Variants in CD163L1 observed in about 807,000 individuals in gnomAD.
The protein encoded by CD163L1 is scavenger receptor cysteine-rich type 1 protein M160.
Under a neutral mutation model 165.4 loss-of-function variants are expected in CD163L1, and 124 were observed. The observed-to-expected ratio is 0.75, with a 90% CI of 0.65 to 0.87. The LOEUF (loss-of-function observed/expected upper bound fraction) is 0.87, where lower values mean the gene tolerates loss of function less well. Ranked by LOEUF, CD163L1 falls within the 40% of genes least tolerant of loss-of-function variation. The pLI is 0.00. For missense variants in CD163L1, 1,525 were observed against 1,799.9 expected, an observed-to-expected ratio of 0.85 and a Z score of 2.76; for synonymous variants, 585 against 662.2, an observed-to-expected ratio of 0.88 and a Z score of 1.79.
chr12:7,389,844 G>A (rs1170719509), intron 8 of CD163L1, among the ~76,000 whole-genome samples: 1 of 150,538 alleles, frequency 6.6e-6, no homozygotes, highest in Admixed American at 6.6e-5. Context: ...AAAAAACAAA[G>A]GAATAAATGT....
chr12:7,369,280 C>A lies in CD163L1; in HGVS notation c.4039+77G>T, dbSNP rs138584383. ...AAATCCTAGTATCTTCAGCTCAACT[C>A]TCTGAGTGAGCCTGTTTCCCAGTGT... On this transcript the variant is annotated intron_variant, in intron 15 of 19. Coordinates refer to ENST00000313599, the MANE Select transcript of CD163L1 (RefSeq NM_174941.6). The surrounding 1 kb of genome is among the most constrained non-coding windows in gnomAD (Gnocchi z 4.9). 912 of 1,450,372 alleles carry A rather than the reference C, an allele frequency of 6.3e-4. 2 individuals carry two copies. In the African/African-American group the frequency reaches 0.011, roughly 18 times the overall value. 89.8% of individuals were successfully genotyped at this position (1,450,372 alleles called of 1,614,324 possible). A position where few individuals can be genotyped will look rare whatever the true frequency, so the allele number is the denominator to read the frequency against.
chr12:7,395,416 G>A (rs1158593857), intron 8 of CD163L1, among the ~76,000 whole-genome samples: 4 of 152,064 alleles, frequency 2.6e-5, no homozygotes, highest in African/African-American at 7.2e-5. Context: ...GACACAGGGC[G>A]GGGAACATCA....
At chr12:7,349,157 T>C (rs1946691442) in intron 4 of CD163L1, among the ~76,000 whole-genome samples, 1 of 152,208 alleles carries the variant, frequency 6.6e-6, no homozygotes, top group African/African-American at 2.4e-5. Flanking sequence ...AATCCAGAAA[T>C]GGCAGGTAGA....
intron 2 of CD163L1, among the ~76,000 whole-genome samples, chr12:7,437,002 A>C (rs1948723357): frequency 6.6e-6 from 1 of 150,832 alleles, no homozygotes; most frequent in Non-Finnish European, 1.5e-5. Context: ...ATAGGTAATA[A>C]CCAATATATA....
chr12:7,373,418 T>C lies in CD163L1; in HGVS notation c.3632A>G (p.Gln1211Arg). The C allele has an allele frequency of 2.5e-6, 4 of 1,614,186 alleles. No homozygotes were observed. The highest frequency in any genetic ancestry group is 3.4e-6 in the Non-Finnish European group (4 of 1,180,024). The part of the protein sequence containing the change: ...GSGFMWVDDI[Q>R]CPKTHISIWQ... ...TATGGAGATATGCGTTTTAGGACAC[T>C]GAATGTCATCCACCCACATGAAACC... The change falls in exon 14 of 20, where the codon CAG becomes CGG. Residue 1211 changes from glutamine (Q) to arginine (R), a missense_variant. By Grantham distance (43) the Gln-to-Arg change is conservative. Transcript: ENST00000313599.
chr12:7,388,675 T>A (rs1947574365), intron 8 of CD163L1, among the ~76,000 whole-genome samples: 1 of 147,296 alleles, frequency 6.8e-6, no homozygotes, highest in Admixed American at 6.9e-5. Context: ...GCCCTGGAGG[T>A]CGAGGCTGCA....
intron 18 of CD163L1, among the ~76,000 whole-genome samples, chr12:7,360,304 A>G (rs1410573380): frequency 1.3e-5 from 2 of 151,800 alleles, no homozygotes; most frequent in Non-Finnish European, 2.9e-5. Context: ...TAACACACCC[A>G]TCTAATTTTT....
intron 4 of CD163L1, among the ~76,000 whole-genome samples, chr12:7,408,880 A>G (rs1948079985): frequency 6.6e-6 from 1 of 152,208 alleles, no homozygotes; most frequent in Admixed American, 6.5e-5. Context: ...GCATAGGATA[A>G]AAAGGGAGAT....
At chr12:7,440,296 G>A (rs1033626919) in intron 2 of CD163L1, among the ~76,000 whole-genome samples, 2 of 151,578 alleles carry the variant, frequency 1.3e-5, no homozygotes, top group African/African-American at 4.8e-5. Flanking sequence ...GGCGGACTGC[G>A]CAGTGCCGCG....
At chr12:7,326,660 C>T in the CD163L1 span, among the ~76,000 whole-genome samples, 1 of 152,152 alleles carries the variant, frequency 6.6e-6, no homozygotes, top group Non-Finnish European at 1.5e-5. Context: ...AGTGGTCATC[C>T]ATAAACCAAG....
intron 8 of CD163L1, among the ~76,000 whole-genome samples, chr12:7,393,004 T>C (rs776791782): frequency 6.6e-6 from 1 of 151,728 alleles, no homozygotes; most frequent in Non-Finnish European, 1.5e-5. Flanking sequence ...AAAAGAGGGG[T>C]TGGTACCATT....
chr12:7,370,949 G>A (rs914355905), intron 14 of CD163L1, among the ~76,000 whole-genome samples: 2 of 152,104 alleles, frequency 1.3e-5, no homozygotes, highest in Admixed American at 6.5e-5. Flanking sequence ...TAATTCCCAC[G>A]TGTTGTGGGG....
the CD163L1 span, among the ~76,000 whole-genome samples, chr12:7,331,962 G>A: frequency 1.3e-5 from 2 of 152,158 alleles, no homozygotes; most frequent in African/African-American, 2.4e-5. Context: ...AGAGAAGAAC[G>A]CTTCAGAAGA....
chr12:7,417,040 C>T (rs1197940144), intron 4 of CD163L1, among the ~76,000 whole-genome samples: 1 of 152,054 alleles, frequency 6.6e-6, no homozygotes, highest in Non-Finnish European at 1.5e-5. Flanking sequence ...TTGATCCTCC[C>T]TATTTATGAG....
At chr12:7,428,904 C>T (rs991368599) in intron 4 of CD163L1, among the ~76,000 whole-genome samples, 1 of 151,996 alleles carries the variant, frequency 6.6e-6, no homozygotes, top group Non-Finnish European at 1.5e-5. Context: ...GTAATCCAAT[C>T]AAACTAGTCT....
chr12:7,322,439 G>C, the CD163L1 span: 13 of 1,613,812 alleles, frequency 8.1e-6, no homozygotes, highest in Non-Finnish European at 1.1e-5. Flanking sequence ...AGAGTCTGCG[G>C]CACTGCTTGA....
the CD163L1 span, chr12:7,323,296 G>C: frequency 6.2e-7 from 1 of 1,611,014 alleles, no homozygotes; most frequent in South Asian, 1.1e-5. Context: ...GGAAAGGAAT[G>C]CTGCCCTATG....
the CD163L1 span, among the ~76,000 whole-genome samples, chr12:7,330,044 G>A: frequency 6.6e-6 from 1 of 152,070 alleles, no homozygotes; most frequent in Non-Finnish European, 1.5e-5. Context: ...ACTGAAGAAG[G>A]CACCAAAATC....
chr12:7,419,402 T>C (rs924780836), intron 4 of CD163L1, among the ~76,000 whole-genome samples: 1 of 152,014 alleles, frequency 6.6e-6, no homozygotes, highest in African/African-American at 2.4e-5. Flanking sequence ...GCCAACATTC[T>C]ACTGAATTGG....
Sources: allele counts gnomAD v4.1 joint callset (sites outside exome capture counted in the v4.1 genomes callset), GRCh38; gene constraint gnomAD v4.1.1; non-coding constraint Gnocchi (gnomAD v3.1); transcripts MANE v1.5; gene names NCBI Gene and HGNC (gene_info 2026-07-23, HGNC 2026-07-21).